PDZRN4: variants seen among roughly 807,000 people sequenced by gnomAD.
The protein encoded by PDZRN4 is PDZ domain containing ring finger 4.
Under a neutral mutation model 99.0 loss-of-function variants are expected in PDZRN4, and 70 were observed. The observed-to-expected ratio is 0.71, with a 90% CI of 0.58 to 0.86. The LOEUF (loss-of-function observed/expected upper bound fraction) is 0.86. PDZRN4 is among the 40% of genes least tolerant of loss of function. The pLI is 0.00. For missense variants in PDZRN4, 1,474 were observed against 1,331.2 expected (o/e 1.11, Z -1.67); for synonymous variants, 551 against 501.6 (o/e 1.10, Z -1.32).
chr12:41,397,061 A>C (rs1019668239), intron 3 of PDZRN4, among the ~76,000 whole-genome samples: 28 of 152,174 alleles, frequency 1.8e-4, no homozygotes, highest in African/African-American at 6.8e-4. Context: ...TCTTGCCCAT[A>C]AAATACATTT....
At chr12:41,208,670 G>T (rs1950866651) in intron 3 of PDZRN4, among the ~76,000 whole-genome samples, 1 of 151,756 alleles carries the variant, frequency 6.6e-6, no homozygotes, top group African/African-American at 2.4e-5. Context: ...TTTAATAAAA[G>T]CTTGAACCTC....
chr12:41,463,782 G>A (rs1952896231), intron 3 of PDZRN4, among the ~76,000 whole-genome samples: 1 of 152,056 alleles, frequency 6.6e-6, no homozygotes, highest in African/African-American at 2.4e-5. Flanking sequence ...TTCCATTCCT[G>A]TTGAATTTAT....
intron 9 of PDZRN4, among the ~76,000 whole-genome samples, chr12:41,570,899 T>C (rs112999470): frequency 2.3e-3 from 352 of 152,284 alleles, no homozygotes; most frequent in African/African-American, 8.2e-3. Context: ...GAAAGAAAGA[T>C]TGAGAGTCAT....
chr12:41,368,072 C>G (rs1484496695), intron 3 of PDZRN4, among the ~76,000 whole-genome samples: 11 of 152,042 alleles, frequency 7.2e-5, no homozygotes, highest in Non-Finnish European at 1.6e-4. Flanking sequence ...GCTTTCCTCT[C>G]CTTGTCTCTT....
intron 3 of PDZRN4, among the ~76,000 whole-genome samples, chr12:41,294,815 A>G (rs916014259): frequency 6.6e-6 from 1 of 152,188 alleles, no homozygotes; most frequent in Admixed American, 6.5e-5. Context: ...TTTTCAACAG[A>G]AAAACATAGA....
At chr12:41,270,330 G>C (rs7955053) in intron 3 of PDZRN4, among the ~76,000 whole-genome samples, 1 of 134,406 alleles carries the variant, frequency 7.4e-6, no homozygotes, top group Non-Finnish European at 1.7e-5. Context: ...GTGTGTCTGT[G>C]TGTGTGTGTG....
At chr12:41,243,984 A>C (rs1951117377) in intron 3 of PDZRN4, among the ~76,000 whole-genome samples, 1 of 152,188 alleles carries the variant, frequency 6.6e-6, no homozygotes, top group Admixed American at 6.5e-5. Context: ...AGGTGATCTC[A>C]GCCAGATCCA....
chr12:41,252,242 A>C (rs2120811107), intron 3 of PDZRN4, among the ~76,000 whole-genome samples: 1 of 152,342 alleles, frequency 6.6e-6, no homozygotes, highest in Non-Finnish European at 1.5e-5. Context: ...TATTTAATAC[A>C]GAGAAATAAA....
chr12:41,357,847 T>G (rs1951938474), intron 3 of PDZRN4, among the ~76,000 whole-genome samples: 1 of 152,022 alleles, frequency 6.6e-6, no homozygotes, highest in South Asian at 2.1e-4. Context: ...GAATTGTTCC[T>G]GGATATCCCT....
chr12:41,369,140 C>T (rs1952022386), intron 3 of PDZRN4, among the ~76,000 whole-genome samples: 1 of 152,042 alleles, frequency 6.6e-6, no homozygotes, highest in Non-Finnish European at 1.5e-5. Flanking sequence ...ATTGAGTAAT[C>T]TAATGACCCT....
intron 3 of PDZRN4, among the ~76,000 whole-genome samples, chr12:41,231,408 G>A (rs1022159213): frequency 2.0e-5 from 3 of 152,028 alleles, no homozygotes; most frequent in African/African-American, 4.8e-5. Context: ...GATTTGGTCT[G>A]TTGTGACACA....
chr12:41,569,807 G>T (rs1299367381), intron 9 of PDZRN4, among the ~76,000 whole-genome samples: 1 of 152,096 alleles, frequency 6.6e-6, no homozygotes, highest in Non-Finnish European at 1.5e-5. Flanking sequence ...TGTGGAGTTT[G>T]GCCACTCCAC....
At chr12:41,448,806 A>G (rs1319011770) in intron 3 of PDZRN4, among the ~76,000 whole-genome samples, 1 of 152,160 alleles carries the variant, frequency 6.6e-6, no homozygotes, top group Non-Finnish European at 1.5e-5. Flanking sequence ...AGCGGGATTG[A>G]CAAACATATT....
At chr12:41,327,361 C>T (rs1419221608) in intron 3 of PDZRN4, among the ~76,000 whole-genome samples, 2 of 152,316 alleles carry the variant, frequency 1.3e-5, no homozygotes, top group East Asian at 3.9e-4. Flanking sequence ...TTTGATGTTA[C>T]TTCTTTGCAA....
chr12:41,398,081 G>T (rs1357746731), intron 3 of PDZRN4, among the ~76,000 whole-genome samples: 1 of 152,082 alleles, frequency 6.6e-6, no homozygotes, highest in East Asian at 1.9e-4. Flanking sequence ...TTCCAGTAAA[G>T]AACCTGAGCC....
intron 3 of PDZRN4, among the ~76,000 whole-genome samples, chr12:41,369,457 T>G (rs1271854534): frequency 6.6e-6 from 1 of 152,070 alleles, no homozygotes; most frequent in Non-Finnish European, 1.5e-5. Context: ...CTAATAACCC[T>G]TTAAAACTAT....
intron 5 of PDZRN4, among the ~76,000 whole-genome samples, chr12:41,545,509 ATG>A (rs61040270): frequency 0.14 from 19,334 of 142,702 alleles, 1,339 homozygotes; most frequent in South Asian, 0.19. Flanking sequence ...GATGATATTA[ATG>A]TGTGTGTGTG....
In PDZRN4 at chr12:41,273,672, G is replaced by T. The variant is rs116533335; in HGVS notation, c.843+79484G>T. Among the ~76,000 whole-genome samples the T allele has an allele frequency of 3.7e-3, 563 of 151,750 alleles. 3 individuals are homozygous for T. The highest frequency in any genetic ancestry group is 0.012 in the African/African-American group (498 of 41,296). On this transcript the variant is annotated intron_variant, in intron 3 of 9. Coordinates refer to ENST00000402685, the MANE Select transcript of PDZRN4 (RefSeq NM_001164595.2). ...AAAAAGTATATTCAGTCAGAAATTAGCAATTTTAGGAATTTTTATAATACC... is the reference window on the plus strand; with the variant it reads ...AAAAAGTATATTCAGTCAGAAATTATCAATTTTAGGAATTTTTATAATACC...
At chr12:41,540,422 T>C (rs1938829366) in intron 5 of PDZRN4, among the ~76,000 whole-genome samples, 1 of 152,196 alleles carries the variant, frequency 6.6e-6, no homozygotes, top group Non-Finnish European at 1.5e-5. Context: ...AATATAATAA[T>C]ATAAAAGGAT....
Sources: allele counts gnomAD v4.1 joint callset (sites outside exome capture counted in the v4.1 genomes callset), GRCh38; gene constraint gnomAD v4.1.1; transcripts MANE v1.5; gene names NCBI Gene and HGNC (gene_info 2026-07-23, HGNC 2026-07-21).